The following CSMD3 variants were observed in gnomAD, a reference collection of about 807,000 sequenced individuals.
The protein encoded by CSMD3 is CUB and Sushi multiple domains 3, also known as CUB and sushi domain-containing protein 3.
In CSMD3, 177 loss-of-function variants were observed where a neutral mutation model predicts 435.2. That is an observed-to-expected ratio of 0.41 (90% CI 0.36 to 0.46). The LOEUF (loss-of-function observed/expected upper bound fraction) is 0.46. CSMD3 is among the 20% of genes least tolerant of loss of function. The pLI is 0.34. For missense variants in CSMD3, 4,265 were observed against 4,504.6 expected (o/e 0.95, Z 1.52); for synonymous variants, 1,656 against 1,520.5 (o/e 1.09, Z -2.07).
chr8:112,423,140 T>A (rs1812694318), intron 32 of CSMD3, among the ~76,000 whole-genome samples: 1 of 146,396 alleles, frequency 6.8e-6, no homozygotes, highest in Non-Finnish European at 1.5e-5. Context: ...TTGATAGTTA[T>A]TTTTTTTTTC....
intron 53 of CSMD3, among the ~76,000 whole-genome samples, chr8:112,296,929 A>C (rs552120078): frequency 6.6e-6 from 1 of 152,136 alleles, no homozygotes; most frequent in East Asian, 1.9e-4. Context: ...AAGAAATTAA[A>C]AGAATAAGGG....
At chr8:112,980,272 T>A (rs1171784975) in intron 6 of CSMD3, among the ~76,000 whole-genome samples, 1 of 151,000 alleles carries the variant, frequency 6.6e-6, no homozygotes, top group Non-Finnish European at 1.5e-5. Flanking sequence ...TATGCATGGA[T>A]GACCCAAAAT....
chr8:113,333,018 A>ACTTT (rs1210515836), intron 1 of CSMD3, among the ~76,000 whole-genome samples: 1 of 151,714 alleles, frequency 6.6e-6, no homozygotes, highest in African/African-American at 2.4e-5. Flanking sequence ...CAAGAGGGGA[A>ACTTT]CTGAGCAAAT....
intron 5 of CSMD3, among the ~76,000 whole-genome samples, chr8:113,069,514 C>T (rs2089009329): frequency 6.6e-6 from 1 of 152,058 alleles, no homozygotes; most frequent in Non-Finnish European, 1.5e-5. Flanking sequence ...TGTTAGAATT[C>T]TGTTTGAATT....
At chr8:113,245,156 A>C (rs2093262646) in intron 3 of CSMD3, among the ~76,000 whole-genome samples, 1 of 152,116 alleles carries the variant, frequency 6.6e-6, no homozygotes, top group South Asian at 2.1e-4. Flanking sequence ...TTTGAAATAA[A>C]AGTGTCTCTT....
At chr8:113,141,470 T>C (rs141374365) in intron 4 of CSMD3, among the ~76,000 whole-genome samples, 448 of 151,104 alleles carry the variant, frequency 3.0e-3, no homozygotes, top group Non-Finnish European at 4.7e-3. Flanking sequence ...GTAACATATT[T>C]TTCAAATATG....
chr8:112,363,911 T>C (rs1693761031), intron 38 of CSMD3, among the ~76,000 whole-genome samples: 1 of 152,052 alleles, frequency 6.6e-6, no homozygotes, highest in South Asian at 2.1e-4. Context: ...TTAATATTTA[T>C]TACATTTATG....
At chr8:112,852,125 A>C (rs2129740150) in intron 11 of CSMD3, among the ~76,000 whole-genome samples, 1 of 152,320 alleles carries the variant, frequency 6.6e-6, no homozygotes, top group South Asian at 2.1e-4. Flanking sequence ...AAAAGGGACT[A>C]GTGATGACAA....
intron 2 of CSMD3, among the ~76,000 whole-genome samples, chr8:113,290,932 G>A (rs2093682221): frequency 6.6e-6 from 1 of 150,770 alleles, no homozygotes; most frequent in African/African-American, 2.4e-5. Flanking sequence ...TCTATATGAA[G>A]TATTTTTTTA....
intron 1 of CSMD3, among the ~76,000 whole-genome samples, chr8:113,341,622 G>A (rs750262): frequency 0.33 from 49,541 of 151,890 alleles, 9,995 homozygotes; most frequent in Non-Finnish European, 0.47. Context: ...CTGAAAGGCT[G>A]TTTAAAATAT....
At chr8:112,913,014 G>A (rs1029545053) in intron 10 of CSMD3, among the ~76,000 whole-genome samples, 2 of 151,872 alleles carry the variant, frequency 1.3e-5, no homozygotes, top group Admixed American at 6.6e-5. Context: ...TTAAGCCTTT[G>A]CCCACGGGGC....
intron 5 of CSMD3, among the ~76,000 whole-genome samples, chr8:113,081,841 G>T (rs2131457024): frequency 6.6e-6 from 1 of 152,220 alleles, no homozygotes; most frequent in East Asian, 1.9e-4. Context: ...AAATTAGGCA[G>T]CTGAGCACAA....
chr8:112,919,650 T>C (rs1433619219), intron 10 of CSMD3, among the ~76,000 whole-genome samples: 1 of 151,822 alleles, frequency 6.6e-6, no homozygotes, highest in Non-Finnish European at 1.5e-5. Flanking sequence ...ATTTGAAACA[T>C]ATCATTTTGA....
At chr8:113,176,485 T>C (rs2092348293) in intron 3 of CSMD3, among the ~76,000 whole-genome samples, 1 of 152,170 alleles carries the variant, frequency 6.6e-6, no homozygotes, top group Non-Finnish European at 1.5e-5. Flanking sequence ...AAAAAGATTA[T>C]GTTCTGATTG....
Position 112,656,140 on chromosome 8 carries a change from T to A in CSMD3, c.3004+14A>T, listed in dbSNP as rs758047608. On this transcript the variant is annotated intron_variant, in intron 18 of 70. Coordinates refer to ENST00000297405, the MANE Select transcript of CSMD3 (RefSeq NM_198123.2). ...AACAGAATGAGGAAATCAAAAAGTTTTATCATTACTTACTTTCATAATGAA... is the reference window on the plus strand; with the variant it reads ...AACAGAATGAGGAAATCAAAAAGTTATATCATTACTTACTTTCATAATGAA... The A allele has an allele frequency of 4.1e-5, 59 of 1,444,022 alleles. No homozygotes were observed. The highest frequency in any genetic ancestry group is 5.6e-5 in the Non-Finnish European group (58 of 1,026,700). 89.5% of individuals were successfully genotyped at this position (1,444,022 alleles called of 1,614,324 possible).
chr8:112,424,628 A>T (rs2130323965), intron 32 of CSMD3, among the ~76,000 whole-genome samples: 1 of 152,294 alleles, frequency 6.6e-6, no homozygotes, highest in Non-Finnish European at 1.5e-5. Context: ...CCAAATTAGG[A>T]TCAGAACATT....
chr8:112,859,233 C>T lies in CSMD3; in HGVS notation c.1667G>A (p.Ser556Asn). The T allele has an allele frequency of 2.5e-6, 4 of 1,611,124 alleles. No homozygotes were observed. In the South Asian group the frequency reaches 4.4e-5, roughly 18 times the overall value. The change falls in exon 11 of 71, where the codon AGT becomes AAT. Residue 556 changes from serine to asparagine, a missense_variant. Physicochemically the swap from Ser to Asn is conservative, Grantham distance 46. Coordinates refer to ENST00000297405, the MANE Select transcript of CSMD3 (RefSeq NM_198123.2). ...AAAGTTGGGAGATGTAAAGGTACCA[C>T]TTGGTCCTTGAAGATTAGAGCCACA... ...KTCGSNLQGPSGTFTSPNFPF... is the reference protein window; with the variant it reads ...KTCGSNLQGPNGTFTSPNFPF...
At chr8:112,332,549 G>A (rs1274201518) in intron 45 of CSMD3, among the ~76,000 whole-genome samples, 1 of 152,118 alleles carries the variant, frequency 6.6e-6, no homozygotes, top group Non-Finnish European at 1.5e-5. Flanking sequence ...AGGTAGGAAT[G>A]AAAGCAGTGC....
intron 69 of CSMD3, among the ~76,000 whole-genome samples, chr8:112,230,810 C>G (rs886243477): frequency 3.3e-5 from 5 of 150,138 alleles, no homozygotes; most frequent in Non-Finnish European, 5.9e-5. Flanking sequence ...ATGACTCTGT[C>G]TCAAAAAAGA....
Sources: allele counts gnomAD v4.1 joint callset (sites outside exome capture counted in the v4.1 genomes callset), GRCh38; gene constraint gnomAD v4.1.1; transcripts MANE v1.5; gene names NCBI Gene and HGNC (gene_info 2026-07-23, HGNC 2026-07-21).